RNASE9: variants seen among roughly 807,000 people sequenced by gnomAD.
RNASE9 encodes inactive ribonuclease-like protein 9.
For missense variants in RNASE9, 263 were observed against 247.1 expected (o/e 1.06, Z -0.43); for synonymous variants, 95 against 87.6 (o/e 1.08, Z -0.47).
exon 3 of RNASE9, chr14:20,557,210 A>T: frequency 1.2e-6 from 1 of 833,858 alleles, no homozygotes; most frequent in Non-Finnish European, 1.8e-6. Context: ...TAAATTACCA[A>T]CTCATAATCG....
chr14:20,556,949 T>C, exon 3 of RNASE9: 1 of 1,614,214 alleles, frequency 6.2e-7, no homozygotes, highest in South Asian at 1.1e-5. Flanking sequence ...AATTCTTCTT[T>C]TTTATCTTCT....
At chr14:20,556,119 T>G (rs1272079181) in exon 3 of RNASE9, 1 of 219,102 alleles carries the variant, frequency 4.6e-6, no homozygotes, top group Non-Finnish European at 9.1e-6. Flanking sequence ...TTATTCTTTC[T>G]GCTGAACTAG....
At chr14:20,556,297 A>G (rs1393932391) in exon 3 of RNASE9, 4 of 611,570 alleles carry the variant, frequency 6.5e-6, no homozygotes, top group Non-Finnish European at 1.1e-5. Flanking sequence ...CTGTGAACCT[A>G]GCCTAAGGTG....
rs549510708 is a variant in RNASE9, at chr14:20,559,562, C to T, written c.-1582+20G>A. 6.6e-6 allele frequency: 1 copy of T among 152,138 alleles called. No homozygotes were observed. The highest frequency in any genetic ancestry group is 2.1e-4 in the South Asian group (1 of 4,824). 9.4% of individuals were successfully genotyped at this position (152,138 alleles called of 1,614,324 possible). A position where few individuals can be genotyped will look rare whatever the true frequency, so the allele number is the denominator to read the frequency against. On this transcript the variant is annotated intron_variant, in intron 2 of 2. Transcript: ENST00000555230. ...GTTTTTGCCTGGTAATCTCACACAG[C>T]AGAAACGCCTCTGGCCTACCTGTGG...
intron 1 of RNASE9, among the ~76,000 whole-genome samples, 195 bp downstream of exon 1, chr14:20,560,679 G>C (rs1438411687): frequency 6.6e-6 from 1 of 151,840 alleles, no homozygotes; most frequent in African/African-American, 2.4e-5. Context: ...TATATTCATA[G>C]AATTGTATAT....
At chr14:20,558,675 G>C in intron 2 of RNASE9, 1 of 1,268,628 alleles carries the variant, frequency 7.9e-7, no homozygotes, top group Non-Finnish European at 1.1e-6. Context: ...GACAGTACAC[G>C]TGTGAAAAGC....
chr14:20,556,379 C>G (rs748789408), exon 3 of RNASE9: 7 of 1,147,148 alleles, frequency 6.1e-6, no homozygotes, highest in Non-Finnish European at 8.8e-6. Context: ...AATTACCATT[C>G]TCAACTTTGA....
chr14:20,558,179 C>T (rs980053139), exon 3 of RNASE9: 3 of 353,054 alleles, frequency 8.5e-6, no homozygotes, highest in African/African-American at 4.1e-5. Context: ...GTTTTCTTAC[C>T]TTACCAGGCT....
At chr14:20,556,964 G>C (rs1249034637) in exon 3 of RNASE9, 1 of 1,613,998 alleles carries the variant, frequency 6.2e-7, no homozygotes, top group Non-Finnish European at 8.5e-7. Context: ...TCTTCTTCTG[G>C]GAAATCAAAA....
At chr14:20,557,789 CA>C (rs1219030672) in exon 3 of RNASE9, 2 of 152,630 alleles carry the variant, frequency 1.3e-5, no homozygotes, top group Non-Finnish European at 2.9e-5. Flanking sequence ...CACCATCATC[CA>C]AACAACCCTA....
intron 1 of RNASE9, chr14:20,560,242 A>G (rs1449895734): frequency 2.0e-5 from 3 of 152,154 alleles, no homozygotes; most frequent in African/African-American, 7.2e-5. Flanking sequence ...ATAAAGCATC[A>G]ATAAATCATG....
chr14:20,558,155 A>G (rs909042278), exon 3 of RNASE9: 1 of 307,446 alleles, frequency 3.3e-6, no homozygotes, highest in African/African-American at 2.6e-5. Context: ...TTAATTGCAG[A>G]AGCAACCTCC....
exon 3 of RNASE9, chr14:20,558,484 C>T (rs1883804869): frequency 2.1e-5 from 26 of 1,251,348 alleles, no homozygotes; most frequent in Non-Finnish European, 2.9e-5. Flanking sequence ...CTGGGGCGGC[C>T]ATGTGCCACA....
chr14:20,558,353 A>G (rs1330555974), exon 3 of RNASE9: 1 of 648,880 alleles, frequency 1.5e-6, no homozygotes, highest in African/African-American at 1.8e-5. Context: ...GATGGAATTA[A>G]AGAAAGGTGG....
chr14:20,556,621 AT>A lies in RNASE9; in HGVS notation c.448del (p.Ile150TyrfsTer33). 2.5e-6 allele frequency: 4 copies of A among 1,613,608 alleles called. No homozygotes were observed. Among genetic ancestry groups the A allele is most frequent in the Non-Finnish European group, 3.4e-6 (4 of 1,179,670 alleles). ...AAGTGATTCGTATTTACACGCTGGT[AT>A]TTCAAATGCTTCTGTTAAATTACAA... On this transcript the variant is annotated frameshift_variant, in exon 3 of 3. Coordinates refer to ENST00000555230, the Ensembl canonical transcript of RNASE9. LOFTEE classifies it low-confidence loss of function (END_TRUNC).
exon 3 of RNASE9, chr14:20,557,178 C>G (rs1883740069): frequency 8.2e-7 from 1 of 1,225,972 alleles, no homozygotes; most frequent in Admixed American, 2.5e-5. Flanking sequence ...CTGTTCTGGG[C>G]TCTAAGATTT....
exon 3 of RNASE9, chr14:20,557,116 A>T (rs752552238): frequency 3.2e-6 from 5 of 1,548,106 alleles, no homozygotes; most frequent in Non-Finnish European, 4.3e-6. Flanking sequence ...TTCTATTGTG[A>T]TAATGTGCTT....
rs1478798504 is a variant in RNASE9, at chr14:20,556,308, C to G, written c.*144G>C. The G allele has an allele frequency of 6.2e-6, 4 of 640,436 alleles. No individual in the cohort carries two copies. The East Asian group carries it at 1.1e-4, about 17-fold the overall frequency. 39.7% of individuals were successfully genotyped at this position (640,436 alleles called of 1,614,324 possible). On this transcript the variant is annotated 3_prime_UTR_variant, in exon 3 of 3. Transcript: ENST00000555230. ...CCGTCTGTGAACCTAGCCTAAGGTGCTTTTGTGAGGTGTTGGGAAAGGAAG... is the reference window on the plus strand; with the variant it reads ...CCGTCTGTGAACCTAGCCTAAGGTGGTTTTGTGAGGTGTTGGGAAAGGAAG...
chr14:20,558,603 C>A, exon 3 of RNASE9: 1 of 1,550,552 alleles, frequency 6.4e-7, no homozygotes, highest in Non-Finnish European at 8.7e-7. Flanking sequence ...GGTCAGAGAG[C>A]TCGGAACATA....
Sources: gnomAD v4.1 joint callset for allele counts (sites outside exome capture counted in the v4.1 genomes callset) on GRCh38, gnomAD v4.1.1 for gene constraint, MANE v1.5 for transcripts, NCBI Gene and HGNC (gene_info 2026-07-23, HGNC 2026-07-21) for gene names.